Variants in ANKRD26 observed in about 807,000 individuals in gnomAD.
ANKRD26 encodes the protein ankyrin repeat domain-containing protein 26.
ANKRD26 carries 141 observed loss-of-function variants against 208.7 expected under a neutral mutation model. The observed-to-expected ratio is 0.68, with a 90% CI of 0.59 to 0.78. The LOEUF (loss-of-function observed/expected upper bound fraction) is 0.78. Among genes scored for constraint, ANKRD26 ranks in the 30% least tolerant of loss-of-function variants. The pLI is 0.00. For missense variants in ANKRD26, 1,889 were observed against 1,938.7 expected (o/e 0.97, Z 0.48); for synonymous variants, 636 against 660.4 (o/e 0.96, Z 0.57).
At chr10:26,980,519 T>C (rs1338623298) in intron 5 of ANKRD26, among the ~76,000 whole-genome samples, 1 of 152,242 alleles carries the variant, frequency 6.6e-6, no homozygotes, top group African/African-American at 2.4e-5. Flanking sequence ...TTTTTAACTT[T>C]GCCTCCTAGC....
At chr10:26,963,917 T>G in the ANKRD26 span, among the ~76,000 whole-genome samples, 4 of 138,564 alleles carry the variant, frequency 2.9e-5, no homozygotes, top group Non-Finnish European at 6.2e-5. Flanking sequence ...TTTTTTTTTT[T>G]TTTTTTTTTT....
intron 1 of ANKRD26, among the ~76,000 whole-genome samples, chr10:27,098,618 C>T (rs1212150849): frequency 2.0e-5 from 3 of 150,488 alleles, no homozygotes; most frequent in Admixed American, 6.6e-5. Flanking sequence ...GCGTGATCTC[C>T]GCTCACTGCA....
intron 5 of ANKRD26, among the ~76,000 whole-genome samples, chr10:26,993,225 C>T (rs1488046454): frequency 6.6e-6 from 1 of 152,160 alleles, no homozygotes; most frequent in African/African-American, 2.4e-5. Flanking sequence ...ATCTAGGGAA[C>T]ATCATCTTAA....
intron 13 of ANKRD26, 65 bp downstream of exon 13, chr10:27,061,079 T>C: frequency 8.5e-7 from 1 of 1,182,324 alleles, no homozygotes; most frequent in Non-Finnish European, 1.3e-6. Flanking sequence ...GTGTTCTGAA[T>C]TGATCAGCTT....
At chr10:26,971,807 C>G (rs185575921), downstream of ANKRD26, among the ~76,000 whole-genome samples, 1 of 152,284 alleles carries the variant, frequency 6.6e-6, no homozygotes, top group East Asian at 1.9e-4. Flanking sequence ...TCCTGCCCAG[C>G]TTTTACCTGG....
At chr10:26,984,272 G>A (rs1369259248) in intron 3 of ANKRD26, among the ~76,000 whole-genome samples, 1 of 152,178 alleles carries the variant, frequency 6.6e-6, no homozygotes, top group Non-Finnish European at 1.5e-5. Flanking sequence ...GGGTGGGCCA[G>A]TGTCTTGGGT....
At chr10:27,017,327 T>C (rs1443814998) in intron 30 of ANKRD26, among the ~76,000 whole-genome samples, 175 bp downstream of exon 30, 1 of 152,182 alleles carries the variant, frequency 6.6e-6, no homozygotes, top group Non-Finnish European at 1.5e-5. Context: ...ATCATCAATT[T>C]AGTTATAATA....
chr10:27,056,796 TAA>T (rs1441763836), intron 15 of ANKRD26, among the ~76,000 whole-genome samples: 1 of 151,980 alleles, frequency 6.6e-6, no homozygotes, highest in Non-Finnish European at 1.5e-5. Flanking sequence ...AAATAAAAAA[TAA>T]AAGTCATAAC....
intron 9 of ANKRD26, among the ~76,000 whole-genome samples, chr10:27,073,642 C>T (rs2055585576): frequency 6.6e-6 from 1 of 152,174 alleles, no homozygotes; most frequent in Non-Finnish European, 1.5e-5. Flanking sequence ...GCTTTAGCTG[C>T]AACCAGTTTT....
At chr10:27,034,046 T>C (rs565921022) in intron 24 of ANKRD26, among the ~76,000 whole-genome samples, 5 of 152,296 alleles carry the variant, frequency 3.3e-5, no homozygotes, top group African/African-American at 1.2e-4. Flanking sequence ...ACCCAAATGA[T>C]AGTCATTGGG....
intron 8 of ANKRD26, 41 bp downstream of exon 8, chr10:27,077,592 C>T (rs774755879): frequency 1.2e-6 from 2 of 1,610,770 alleles, no homozygotes; most frequent in Non-Finnish European, 1.7e-6. Flanking sequence ...AATTAAGAAT[C>T]AGTGAATAAC....
At chr10:26,953,133 T>C in the ANKRD26 span, among the ~76,000 whole-genome samples, 4 of 152,250 alleles carry the variant, frequency 2.6e-5, no homozygotes, top group South Asian at 8.3e-4. Context: ...AGATTGTAAA[T>C]ATAATACCAG....
Position 27,005,741 on chromosome 10 carries a change from G to A in ANKRD26, c.5000-18C>T. ...AGCAGCAGCTAGAATGAAAAAGAAAGAATTATATTCCTTACCTAAAAGATT... is the reference window on the plus strand; with the variant it reads ...AGCAGCAGCTAGAATGAAAAAGAAAAAATTATATTCCTTACCTAAAAGATT... On this transcript the variant is annotated intron_variant, in intron 33 of 33. Transcript: ENST00000376087. 6.2e-7 allele frequency: 1 copy of A among 1,602,340 alleles called. No homozygotes were observed. The highest frequency in any genetic ancestry group is 2.2e-5 in the East Asian group (1 of 44,644).
chr10:27,079,190 T>A, intron 6 of ANKRD26, 29 bp from the exon 7 acceptor site: 1 of 1,576,184 alleles, frequency 6.3e-7, no homozygotes, highest in Non-Finnish European at 8.7e-7. Context: ...GAAAAATGAG[T>A]GAATTCATTT....
Position 27,086,620 on chromosome 10 carries a change from A to G in ANKRD26, c.639-11T>C, listed in dbSNP as rs756579578. 6.3e-7 allele frequency: 1 copy of G among 1,597,300 alleles called. No individual in the cohort carries two copies. Among genetic ancestry groups the G allele is most frequent in the Admixed American group, 1.7e-5 (1 of 58,836 alleles). ...ATTAGTTGGTGACTGCTATGTATAG[A>G]AAAATGTAACAAAATTATGTTAATA... On this transcript the variant is annotated splice_polypyrimidine_tract_variant and intron_variant, in intron 4 of 33. Coordinates refer to ENST00000376087, the MANE Select transcript of ANKRD26 (RefSeq NM_014915.3).
At chr10:27,031,479 C>T (rs948646338) in intron 25 of ANKRD26, among the ~76,000 whole-genome samples, 1 of 152,106 alleles carries the variant, frequency 6.6e-6, no homozygotes, top group African/African-American at 2.4e-5. Context: ...ATGTTCAGAA[C>T]AGGCAAATTT....
the ANKRD26 span, among the ~76,000 whole-genome samples, chr10:26,958,068 C>G: frequency 2.4e-5 from 3 of 123,830 alleles, no homozygotes; most frequent in African/African-American, 8.6e-5. Context: ...TCCCATCACC[C>G]AGTTTTATAT....
chr10:26,956,474 A>T, the ANKRD26 span, among the ~76,000 whole-genome samples: 3 of 152,088 alleles, frequency 2.0e-5, no homozygotes, highest in African/African-American at 7.2e-5. Flanking sequence ...CTCTATTTTT[A>T]AAAATTATTA....
intron 4 of ANKRD26, chr10:27,088,440 T>C (rs1300646454): frequency 6.6e-6 from 1 of 152,230 alleles, no homozygotes; most frequent in African/African-American, 2.4e-5. Flanking sequence ...AACCCGACTT[T>C]TATACATGGA....
Sources: gnomAD v4.1 joint callset for allele counts (sites outside exome capture counted in the v4.1 genomes callset) on GRCh38, gnomAD v4.1.1 for gene constraint, MANE v1.5 for transcripts, NCBI Gene and HGNC (gene_info 2026-07-23, HGNC 2026-07-21) for gene names.